NEK4: variants seen among roughly 807,000 people sequenced by gnomAD.
The protein encoded by NEK4 is NIMA related kinase 4.
A neutral mutation model predicts 98.4 loss-of-function variants in NEK4; 86 were observed. The observed-to-expected ratio is 0.87, with a 90% CI of 0.73 to 1.05. The LOEUF (loss-of-function observed/expected upper bound fraction) is 1.05, where lower values mean the gene tolerates loss of function less well. NEK4 is among the 50% of genes least tolerant of loss of function. The pLI is 0.00. For missense variants in NEK4, 898 were observed against 950.3 expected (o/e 0.94, Z 0.72); for synonymous variants, 328 against 342.2 (o/e 0.96, Z 0.46).
intron 7 of NEK4, among the ~76,000 whole-genome samples, chr3:52,750,059 CAT>C (rs945318186): frequency 6.6e-6 from 1 of 152,148 alleles, no homozygotes; most frequent in African/African-American, 2.4e-5. Context: ...AAGTTTAATA[CAT>C]AGAGTTACCA....
At chr3:52,726,325 G>A (rs569363045) in intron 15 of NEK4, among the ~76,000 whole-genome samples, 2 of 152,104 alleles carry the variant, frequency 1.3e-5, no homozygotes, top group Admixed American at 6.5e-5. Context: ...GGGGCTGGGC[G>A]CAGTGGCTCA....
chr3:52,726,283 T>C (rs549455910), intron 15 of NEK4, among the ~76,000 whole-genome samples: 1 of 152,274 alleles, frequency 6.6e-6, no homozygotes, highest in East Asian at 1.9e-4. Context: ...TAGAACAACC[T>C]GGCAGAAGAT....
chr3:52,755,217 A>G (rs529584677), intron 6 of NEK4, among the ~76,000 whole-genome samples: 5 of 152,224 alleles, frequency 3.3e-5, no homozygotes, highest in African/African-American at 1.2e-4. Context: ...CGGCAAATCC[A>G]TAGACAAAAA....
chr3:52,741,484 G>A lies in NEK4; in HGVS notation c.2020C>T (p.His674Tyr), dbSNP rs1483590166. 1.0e-5 allele frequency: 16 copies of A among 1,601,860 alleles called. No homozygotes were observed. In the Admixed American group the frequency reaches 1.7e-4, roughly 17 times the overall value. ...CSVTQERKQI[H>Y]CLSEDELSSS... ...CTTAACTCATCCTCAGACAGACAAT[G>A]AATCTGTTTCCTTTCCTATTAAATG... Residue 674 changes from histidine (H) to tyrosine (Y), a missense_variant, in exon 13 of 16, where the codon CAT becomes TAT. His to Tyr is a moderately conservative substitution (Grantham distance 83). Coordinates refer to ENST00000233027, the MANE Select transcript of NEK4 (RefSeq NM_003157.6).
rs958166883 is a variant in NEK4 at position 52,756,976 on chromosome 3, C to T, written c.963+3819G>A. Among the ~76,000 whole-genome samples the T allele has an allele frequency of 3.3e-5, 5 of 152,074 alleles. No individual in the cohort carries two copies. In the East Asian group the frequency reaches 5.8e-4, roughly 18 times the overall value. On this transcript the variant is annotated intron_variant, in intron 6 of 15. Coordinates refer to ENST00000233027, the MANE Select transcript of NEK4 (RefSeq NM_003157.6). ...ACGCTCCTCCCAAAAAGATAGCAAA[C>T]GGCCAATAAGCACACAAAAAATGCT... is the stretch of plus-strand genomic sequence containing the variant.
chr3:52,754,099 T>C (rs2097410489), intron 6 of NEK4: 1 of 244,940 alleles, frequency 4.1e-6, no homozygotes. Context: ...GAGGCAGAGG[T>C]TGCGGTGAGC....
intron 15 of NEK4, 89 bp downstream of exon 15, chr3:52,737,497 G>T: frequency 1.5e-6 from 2 of 1,363,064 alleles, no homozygotes; most frequent in Non-Finnish European, 2.1e-6. Context: ...CTTTAGATGA[G>T]TGAATTGTTA....
intron 15 of NEK4, chr3:52,737,362 C>T (rs1006208059): frequency 2.9e-5 from 13 of 447,380 alleles, no homozygotes; most frequent in African/African-American, 1.0e-4. Context: ...TTTGGCAGTG[C>T]GGACCATGGG....
intron 15 of NEK4, among the ~76,000 whole-genome samples, chr3:52,736,391 C>A (rs1469574907): frequency 2.6e-5 from 4 of 152,114 alleles, no homozygotes; most frequent in Admixed American, 1.3e-4. Context: ...TCGAGACCAT[C>A]CTGGCTGACA....
In NEK4 at chr3:52,709,517, AAC is replaced by A. The variant is rs1272176539; in HGVS notation, c.*2258_*2259del. The A allele has an allele frequency of 6.6e-6, 1 of 151,944 alleles. No individual in the cohort carries two copies. The highest frequency in any genetic ancestry group is 2.4e-5 in the African/African-American group (1 of 41,378). 9.4% of individuals were successfully genotyped at this position (151,944 alleles called of 1,614,324 possible). On this transcript the variant is annotated 3_prime_UTR_variant, in exon 16 of 16. Transcript: ENST00000233027. Reference sequence around the variant, plus strand: ...AATGCAGTTTGAGACCAGCCTGGGCAACACAGACTTCCTCTCCACAAAAAATT... The same window carrying A: ...AATGCAGTTTGAGACCAGCCTGGGCAACAGACTTCCTCTCCACAAAAAATT...
At chr3:52,755,183 A>G (rs191646433) in intron 6 of NEK4, among the ~76,000 whole-genome samples, 227 of 152,214 alleles carry the variant, frequency 1.5e-3, no homozygotes, top group African/African-American at 5.3e-3. Flanking sequence ...TTCCACTTAC[A>G]TAAAATATCT....
rs2097371347 is a variant in NEK4 at position 52,732,958 on chromosome 3, G to A, written c.2433+4628C>T. 8 of 224,384 alleles carry A rather than the reference G, an allele frequency of 3.6e-5. No homozygotes were observed. In the South Asian group the frequency reaches 6.6e-4, roughly 19 times the overall value. The allele number at this position is 224,384 out of a possible 1,614,324, so 13.9% of individuals were successfully genotyped here. ...ATTTTAAGCTGGAAGGAAAATTTAT[G>A]GAAGTAATCAAATTGAAAAGTTTAC... On this transcript the variant is annotated intron_variant, in intron 15 of 15. Coordinates refer to ENST00000233027, the MANE Select transcript of NEK4 (RefSeq NM_003157.6).
rs374372618 is a variant in NEK4 at position 52,746,476 on chromosome 3, G to C, written c.1677+258C>G. Among the ~76,000 whole-genome samples the C allele has an allele frequency of 4.6e-5, 7 of 152,262 alleles. No homozygotes were observed. The East Asian group carries it at 7.7e-4, about 17-fold the overall frequency. On this transcript the variant is annotated intron_variant, in intron 9 of 15. Transcript: ENST00000233027. ...ACTGTTCATCAGTACAATACAGATG[G>C]GGCCAAAGGTTTAACCACATTAGCC...
chr3:52,717,705 C>T (rs1230288126), intron 15 of NEK4, among the ~76,000 whole-genome samples: 1 of 152,110 alleles, frequency 6.6e-6, no homozygotes. Context: ...ACTTCATTTG[C>T]AACAGAATAT....
At chr3:52,724,426 C>G (rs1463430695) in intron 15 of NEK4, among the ~76,000 whole-genome samples, 5 of 152,010 alleles carry the variant, frequency 3.3e-5, no homozygotes, top group Admixed American at 3.3e-4. Flanking sequence ...AGAAAAAATA[C>G]CAAGAATACT....
At chr3:52,722,769 G>A (rs1386276665) in intron 15 of NEK4, among the ~76,000 whole-genome samples, 3 of 152,112 alleles carry the variant, frequency 2.0e-5, no homozygotes, top group Non-Finnish European at 4.4e-5. Context: ...GCTGGGTGTG[G>A]TGGCATGCTC....
intron 15 of NEK4, chr3:52,734,755 AG>A: frequency 4.6e-6 from 1 of 216,006 alleles, no homozygotes; most frequent in South Asian, 7.9e-5. Context: ...CCAGTGGCCA[AG>A]TCTACAACAT....
At chr3:52,760,446 A>C (rs1005867157) in intron 6 of NEK4, among the ~76,000 whole-genome samples, 1 of 152,212 alleles carries the variant, frequency 6.6e-6, no homozygotes, top group Non-Finnish European at 1.5e-5. Flanking sequence ...TGAACTCCTG[A>C]CCTCAGGTGA....
Position 52,711,183 on chromosome 3 carries a change from G to A in NEK4, c.*594C>T, listed in dbSNP as rs1417453223. The A allele has an allele frequency of 2.6e-5, 4 of 152,366 alleles. No individual in the cohort carries two copies. Among genetic ancestry groups the A allele is most frequent in the Admixed American group, 2.6e-4 (4 of 15,272 alleles). 9.4% of individuals were successfully genotyped at this position (152,366 alleles called of 1,614,324 possible). On this transcript the variant is annotated 3_prime_UTR_variant, in exon 16 of 16. Transcript: ENST00000233027. ...GTTTTAATTTGTATATACCCTAGAT[G>A]AGGTTTATATTAAATGAGAATAAAA...
Sources: gnomAD v4.1 joint callset for allele counts (sites outside exome capture counted in the v4.1 genomes callset) on GRCh38, gnomAD v4.1.1 for gene constraint, MANE v1.5 for transcripts, NCBI Gene and HGNC (gene_info 2026-07-23, HGNC 2026-07-21) for gene names.